Variants in PLCB1 observed in about 807,000 individuals in gnomAD.
PLCB1 encodes phospholipase C beta 1.
Under a neutral mutation model 161.8 loss-of-function variants are expected in PLCB1, and 46 were observed. That is an observed-to-expected ratio of 0.28 (90% confidence interval 0.22 to 0.36). The LOEUF (loss-of-function observed/expected upper bound fraction) is 0.36, where lower values mean the gene tolerates loss of function less well. PLCB1 is among the 10% of genes least tolerant of loss of function. PLCB1 has a pLI of 1.00. For synonymous variants in PLCB1, 517 were observed against 503.7 expected (o/e 1.03, Z -0.35); for missense variants, 1,016 against 1,472.5 (o/e 0.69, Z 5.07).
chr20:8,177,927 T>C (rs1483405989), intron 2 of PLCB1, among the ~76,000 whole-genome samples: 1 of 152,076 alleles, frequency 6.6e-6, no homozygotes, highest in Non-Finnish European at 1.5e-5. Context: ...CTCCCACTTA[T>C]ACATGAGAAC....
chr20:8,841,186 T>A lies in PLCB1; in HGVS notation c.3424-40436T>A, dbSNP rs527793205. On this transcript the variant is annotated intron_variant, in intron 31 of 31. Coordinates refer to ENST00000338037, the MANE Select transcript of PLCB1 (RefSeq NM_015192.4). ...GCATAGCATCCTACAACAATAACTT[T>A]AAAAAAAATAAGTCATCACCATTTT... Among the ~76,000 whole-genome samples, 4 of 151,986 alleles carry A rather than the reference T, an allele frequency of 2.6e-5. No homozygotes were observed. The South Asian group carries it at 6.3e-4, about 24-fold the overall frequency.
chr20:8,630,577 T>C (rs970802166), intron 4 of PLCB1, among the ~76,000 whole-genome samples: 2 of 152,216 alleles, frequency 1.3e-5, no homozygotes, highest in Non-Finnish European at 2.9e-5. Context: ...ACATATACTT[T>C]ATTTTGCTGT....
chr20:8,548,140 CCTT>C (rs1388300099), intron 3 of PLCB1, among the ~76,000 whole-genome samples: 2 of 148,474 alleles, frequency 1.3e-5, no homozygotes, highest in Non-Finnish European at 3.0e-5. Flanking sequence ...TCCATTCTCT[CCTT>C]CTTTCTTTCT....
intron 24 of PLCB1, among the ~76,000 whole-genome samples, chr20:8,758,535 C>T (rs1981856062): frequency 1.3e-5 from 2 of 151,760 alleles, no homozygotes; most frequent in African/African-American, 4.8e-5. Flanking sequence ...AAGCTGAGAT[C>T]GCACCACTGC....
chr20:8,141,026 G>T (rs1218961032), intron 1 of PLCB1, among the ~76,000 whole-genome samples: 2 of 152,154 alleles, frequency 1.3e-5, no homozygotes, highest in African/African-American at 4.8e-5. Flanking sequence ...TCAAACTCCT[G>T]ATGTCATGAT....
At chr20:8,490,614 A>G (rs2122774609) in intron 3 of PLCB1, among the ~76,000 whole-genome samples, 1 of 152,288 alleles carries the variant, frequency 6.6e-6, no homozygotes, top group East Asian at 1.9e-4. Context: ...CAGTTGCTCC[A>G]CTTTCTTACT....
chr20:8,321,525 T>C lies in PLCB1; in HGVS notation c.178-49857T>C, dbSNP rs528113896. Among the ~76,000 whole-genome samples, 85 of 152,084 alleles carry C rather than the reference T, an allele frequency of 5.6e-4. 1 individual carries two copies. The highest frequency in any genetic ancestry group is 2.8e-3 in the Admixed American group (42 of 15,258). On this transcript the variant is annotated intron_variant, in intron 2 of 31. Coordinates refer to ENST00000338037, the MANE Select transcript of PLCB1 (RefSeq NM_015192.4). ...AGAACCTTTGAAGACATTGGGGGAG[T>C]GATATGGGTCCTGGGATGGGAACAG... is the stretch of plus-strand genomic sequence containing the variant.
intron 26 of PLCB1, 145 bp from the exon 27 acceptor site, chr20:8,774,394 G>T: frequency 1.5e-6 from 1 of 669,968 alleles, no homozygotes; most frequent in East Asian, 2.5e-5. Flanking sequence ...CTTGTCCTTG[G>T]GGTCTCACCC....
chr20:8,416,381 A>G (rs1334986391), intron 3 of PLCB1, among the ~76,000 whole-genome samples: 1 of 152,196 alleles, frequency 6.6e-6, no homozygotes, highest in African/African-American at 2.4e-5. Flanking sequence ...AAAATATTAC[A>G]TTGAATTAGA....
chr20:8,580,138 C>G (rs1294987535), intron 3 of PLCB1, among the ~76,000 whole-genome samples: 2 of 152,092 alleles, frequency 1.3e-5, no homozygotes, highest in Non-Finnish European at 2.9e-5. Flanking sequence ...TTCACTGTCT[C>G]CAGGAATTAG....
At chr20:8,699,996 AC>A (rs1243847137) in intron 11 of PLCB1, among the ~76,000 whole-genome samples, 21 of 152,184 alleles carry the variant, frequency 1.4e-4, no homozygotes, top group Admixed American at 9.2e-4. Context: ...CCATAGTCCC[AC>A]TTCTTCCCTC....
At chr20:8,802,079 G>C (rs375157750) in intron 31 of PLCB1, 56 of 1,610,744 alleles carry the variant, frequency 3.5e-5, no homozygotes, top group Non-Finnish European at 4.5e-5. Flanking sequence ...CCTCATTCTT[G>C]TCGGAAACTT....
At chr20:8,196,051 C>T (rs1182122271) in intron 2 of PLCB1, among the ~76,000 whole-genome samples, 1 of 151,994 alleles carries the variant, frequency 6.6e-6, no homozygotes, top group Non-Finnish European at 1.5e-5. Flanking sequence ...CCTTTTAAAA[C>T]TACAAAATCT....
At chr20:8,552,190 C>T (rs1199454767) in intron 3 of PLCB1, among the ~76,000 whole-genome samples, 1 of 152,166 alleles carries the variant, frequency 6.6e-6, no homozygotes, top group East Asian at 1.9e-4. Context: ...GCTATGGGCA[C>T]CAACTGTTTG....
chr20:8,812,039 A>G (rs1015968915), intron 31 of PLCB1, among the ~76,000 whole-genome samples: 1 of 152,048 alleles, frequency 6.6e-6, no homozygotes, highest in Non-Finnish European at 1.5e-5. Context: ...AACAGGGATT[A>G]CAAGAGAGGA....
intron 7 of PLCB1, chr20:8,651,307 AATT>A (rs1413797427): frequency 9.5e-6 from 6 of 634,392 alleles, no homozygotes; most frequent in South Asian, 5.5e-5. Flanking sequence ...TTTATCAGCC[AATT>A]ATTGTTGTGA....
intron 3 of PLCB1, among the ~76,000 whole-genome samples, chr20:8,437,056 C>A (rs931762713): frequency 3.3e-5 from 5 of 152,094 alleles, no homozygotes; most frequent in African/African-American, 4.8e-5. Flanking sequence ...TCCTAAAGTG[C>A]CGGGATTACA....
At chr20:8,545,302 T>C (rs6039189) in intron 3 of PLCB1, among the ~76,000 whole-genome samples, 114,722 of 152,124 alleles carry the variant, frequency 0.75, 43,882 homozygotes, top group African/African-American at 0.82. Flanking sequence ...GGGGCACTAG[T>C]GTGATATGGA....
At chr20:8,237,004 C>G (rs1483149116) in intron 2 of PLCB1, among the ~76,000 whole-genome samples, 1 of 151,940 alleles carries the variant, frequency 6.6e-6, no homozygotes, top group Non-Finnish European at 1.5e-5. Flanking sequence ...AATACCACTC[C>G]AAGGTATTTT....
Sources: gnomAD v4.1 joint callset for allele counts (sites outside exome capture counted in the v4.1 genomes callset) on GRCh38, gnomAD v4.1.1 for gene constraint, MANE v1.5 for transcripts, NCBI Gene and HGNC (gene_info 2026-07-23, HGNC 2026-07-21) for gene names.